The following TTC28 variants were observed in gnomAD, a reference collection of about 807,000 sequenced individuals.
TTC28 encodes tetratricopeptide repeat domain 28, also known as tetratricopeptide repeat protein 28.
In TTC28, 61 loss-of-function variants were observed where a neutral mutation model predicts 198.0. The ratio of observed to expected loss-of-function variants is 0.31; its 90% CI spans 0.25 to 0.38. The LOEUF (loss-of-function observed/expected upper bound fraction) is 0.38. TTC28 is among the 10% of genes least tolerant of loss of function. The pLI is 1.00. For missense variants in TTC28, 2,678 were observed against 3,164.0 expected (o/e 0.85, Z 3.69); for synonymous variants, 1,171 against 1,297.8 (o/e 0.90, Z 2.10).
At chr22:28,033,836 TAC>T (rs1939226020) in intron 12 of TTC28, among the ~76,000 whole-genome samples, 1 of 152,188 alleles carries the variant, frequency 6.6e-6, no homozygotes, top group Admixed American at 6.5e-5. Flanking sequence ...GTGCAACCAG[TAC>T]ATCCCAGACA....
chr22:28,364,149 G>A (rs937901908), intron 2 of TTC28, among the ~76,000 whole-genome samples: 1 of 152,142 alleles, frequency 6.6e-6, no homozygotes, highest in African/African-American at 2.4e-5. Flanking sequence ...TTGTGGGAGC[G>A]ACCCAGTGGG....
intron 6 of TTC28, among the ~76,000 whole-genome samples, chr22:28,156,742 T>G (rs1157630150): frequency 6.6e-6 from 1 of 151,972 alleles, no homozygotes; most frequent in Non-Finnish European, 1.5e-5. Context: ...GAATATAGAG[T>G]TGGAAACACT....
chr22:28,166,141 T>A (rs1601414921), intron 5 of TTC28, among the ~76,000 whole-genome samples: 1 of 152,214 alleles, frequency 6.6e-6, no homozygotes, highest in African/African-American at 2.4e-5. Context: ...TAAATACATA[T>A]GCACCCAATA....
intron 2 of TTC28, among the ~76,000 whole-genome samples, chr22:28,323,344 C>T (rs1439416731): frequency 6.6e-6 from 1 of 152,150 alleles, no homozygotes; most frequent in Non-Finnish European, 1.5e-5. Context: ...AATATTATAG[C>T]TGTTTCAAAG....
chr22:28,481,314 G>A (rs1410330880), intron 2 of TTC28, among the ~76,000 whole-genome samples: 2 of 152,260 alleles, frequency 1.3e-5, no homozygotes, highest in African/African-American at 4.8e-5. Flanking sequence ...CTTACTGTTA[G>A]ATATTTCCCC....
At chr22:28,127,911 T>TTG (rs1555919822) in intron 6 of TTC28, among the ~76,000 whole-genome samples, 17 of 149,512 alleles carry the variant, frequency 1.1e-4, no homozygotes, top group African/African-American at 3.0e-4. Flanking sequence ...TTTTTTTTTT[T>TTG]GGGGGTGGGA....
At chr22:28,209,322 C>T (rs1016220640) in intron 5 of TTC28, among the ~76,000 whole-genome samples, 2 of 152,162 alleles carry the variant, frequency 1.3e-5, no homozygotes, top group Non-Finnish European at 2.9e-5. Flanking sequence ...AGAGTGTGAG[C>T]CAAAGCAGGG....
At chr22:28,178,252 C>A (rs892948915) in intron 5 of TTC28, among the ~76,000 whole-genome samples, 2 of 145,894 alleles carry the variant, frequency 1.4e-5, no homozygotes, top group Admixed American at 1.4e-4. Context: ...GTCAGGAGTT[C>A]GAGACTAGCC....
chr22:28,474,463 T>TG (rs1167805339), intron 2 of TTC28, among the ~76,000 whole-genome samples: 2 of 152,200 alleles, frequency 1.3e-5, no homozygotes, highest in East Asian at 3.8e-4. Context: ...TCCCTCTTAT[T>TG]GCAAAGCCTG....
At position 27,982,734 on chromosome 22, in the gene TTC28, G is replaced by A; in HGVS notation, c.6933C>T (p.Gly2311=). The part of the protein sequence containing the change: ...KSPRNMSPSS[G]HQSPAGSAPS... ...GTGCACTGCCAGCAGGAGACTGGTG[G>A]CCGGAGCTTGGGGACATGTTCCTTG... Residue 2311 remains glycine, a synonymous_variant, in exon 23 of 23, where the codon GGC becomes GGT. Transcript: ENST00000397906. The surrounding 1 kb of genome is among the most constrained non-coding windows in gnomAD (Gnocchi z 5.2). 1 of 1,551,624 alleles carries A rather than the reference G, an allele frequency of 6.4e-7. No homozygotes were observed. Among genetic ancestry groups the A allele is most frequent in the Non-Finnish European group, 8.7e-7 (1 of 1,146,944 alleles).
chr22:28,429,768 T>C (rs941945241), intron 2 of TTC28, among the ~76,000 whole-genome samples: 10 of 152,214 alleles, frequency 6.6e-5, no homozygotes, highest in Non-Finnish European at 1.3e-4. Context: ...GACAGAATTC[T>C]GTCTTCACAA....
intron 2 of TTC28, among the ~76,000 whole-genome samples, chr22:28,315,631 A>C (rs2045339481): frequency 6.6e-6 from 1 of 152,206 alleles, no homozygotes; most frequent in Non-Finnish European, 1.5e-5. Context: ...CATTTATTGA[A>C]AAGAGTAAGT....
chr22:28,062,023 T>A (rs1014962801), intron 12 of TTC28, among the ~76,000 whole-genome samples: 1 of 152,192 alleles, frequency 6.6e-6, no homozygotes, highest in Non-Finnish European at 1.5e-5. Flanking sequence ...TCTGTTTGTC[T>A]GTTATCGGTG....
chr22:28,196,747 C>T (rs1388474564), intron 5 of TTC28, among the ~76,000 whole-genome samples: 6 of 151,754 alleles, frequency 4.0e-5, no homozygotes, highest in East Asian at 1.9e-4. Context: ...GTTAGTATGG[C>T]GATCATTAAA....
At chr22:28,677,941 A>G (rs1425621648) in intron 1 of TTC28, among the ~76,000 whole-genome samples, 3 of 152,040 alleles carry the variant, frequency 2.0e-5, no homozygotes, top group East Asian at 3.8e-4. Flanking sequence ...CCGTCTCAAA[A>G]AAAAAAAGAA....
chr22:28,280,537 C>A (rs1053106900), intron 5 of TTC28, among the ~76,000 whole-genome samples: 1 of 152,102 alleles, frequency 6.6e-6, no homozygotes, highest in Non-Finnish European at 1.5e-5. Flanking sequence ...GGGGTTTCAC[C>A]ATGCTGGTCA....
chr22:28,499,601 C>T (rs1225923937), intron 2 of TTC28, among the ~76,000 whole-genome samples: 1 of 152,052 alleles, frequency 6.6e-6, no homozygotes, highest in African/African-American at 2.4e-5. Context: ...TGAAGTATAT[C>T]ATATAGAGAG....
At chr22:28,098,824 C>A in intron 10 of TTC28, 91 bp downstream of exon 10, 1 of 1,439,610 alleles carries the variant, frequency 6.9e-7, no homozygotes, top group Non-Finnish European at 9.3e-7. Context: ...CATATTTCTT[C>A]ACCGCTGTCA....
In TTC28 at chr22:28,587,426, A is replaced by G. The variant is rs150019504; in HGVS notation, c.381+42126T>C. On this transcript the variant is annotated intron_variant, in intron 2 of 22. Transcript: ENST00000397906. Reference sequence around the variant, plus strand: ...GCTAAGACCATGCATTTGTACCACAATTTAAATTTTTATACAGGCCTTTCA... The same window carrying G: ...GCTAAGACCATGCATTTGTACCACAGTTTAAATTTTTATACAGGCCTTTCA... Among the ~76,000 whole-genome samples, 1,071 of 152,290 alleles carry G rather than the reference A, an allele frequency of 7.0e-3. 12 individuals carry two copies. Among genetic ancestry groups the G allele is most frequent in the African/African-American group, 0.025 (1,034 of 41,562 alleles).
Sources: gnomAD v4.1 joint callset for allele counts (sites outside exome capture counted in the v4.1 genomes callset) on GRCh38, gnomAD v4.1.1 for gene constraint, Gnocchi (gnomAD v3.1) non-coding constraint, MANE v1.5 for transcripts, NCBI Gene and HGNC (gene_info 2026-07-23, HGNC 2026-07-21) for gene names.